The following CNTNAP2 variants were observed in gnomAD, a reference collection of about 807,000 sequenced individuals.
CNTNAP2 encodes the protein contactin associated protein 2, also known as contactin-associated protein-like 2.
CNTNAP2 carries 98 observed loss-of-function variants against 155.2 expected under a neutral mutation model. That is an observed-to-expected ratio of 0.63 (90% CI 0.54 to 0.75). CNTNAP2 has a LOEUF of 0.75. Ranked by LOEUF, CNTNAP2 falls within the 30% of genes least tolerant of loss-of-function variation. The probability of loss-of-function intolerance (pLI) is 0.00; values close to 1 mark genes in which losing one functional copy is unlikely to be tolerated. For synonymous variants in CNTNAP2, 651 were observed against 631.2 expected (o/e 1.03, Z -0.47); for missense variants, 1,727 against 1,688.1 (o/e 1.02, Z -0.40).
At chr7:146,509,803 A>G (rs923792679) in intron 1 of CNTNAP2, among the ~76,000 whole-genome samples, 1 of 152,066 alleles carries the variant, frequency 6.6e-6, no homozygotes, top group African/African-American at 2.4e-5. Context: ...ACAGTCAAAA[A>G]TGCCCATCCA....
At chr7:148,138,688 T>C (rs1805004260) in intron 16 of CNTNAP2, among the ~76,000 whole-genome samples, 1 of 152,096 alleles carries the variant, frequency 6.6e-6, no homozygotes, top group East Asian at 1.9e-4. Context: ...ATTACAACAC[T>C]CTATCCCCAG....
At chr7:146,784,117 A>G (rs577111468) in intron 2 of CNTNAP2, among the ~76,000 whole-genome samples, 1 of 152,246 alleles carries the variant, frequency 6.6e-6, no homozygotes, top group South Asian at 2.1e-4. Flanking sequence ...AAGATAAAAG[A>G]GTTTTTCAAT....
At chr7:147,313,265 A>T (rs1795159188) in intron 9 of CNTNAP2, among the ~76,000 whole-genome samples, 1 of 151,962 alleles carries the variant, frequency 6.6e-6, no homozygotes. Flanking sequence ...TCTTTAGTTT[A>T]ATTAGATCCC....
At chr7:146,643,369 T>C (rs1216754965) in intron 1 of CNTNAP2, among the ~76,000 whole-genome samples, 4 of 152,248 alleles carry the variant, frequency 2.6e-5, no homozygotes, top group East Asian at 3.9e-4. Context: ...GTTTCAGCTT[T>C]CTACATATGG....
At chr7:147,790,278 C>T (rs553473866) in intron 13 of CNTNAP2, among the ~76,000 whole-genome samples, 2 of 152,234 alleles carry the variant, frequency 1.3e-5, no homozygotes, top group African/African-American at 2.4e-5. Context: ...TATCACTATC[C>T]GAAAGTATTG....
At chr7:147,702,262 T>C (rs1796246763) in intron 13 of CNTNAP2, among the ~76,000 whole-genome samples, 1 of 152,034 alleles carries the variant, frequency 6.6e-6, no homozygotes, top group Non-Finnish European at 1.5e-5. Flanking sequence ...GCAGCAATTG[T>C]ATCAATGGCA....
chr7:148,355,522 T>A (rs1206035274), intron 21 of CNTNAP2, among the ~76,000 whole-genome samples: 1 of 152,214 alleles, frequency 6.6e-6, no homozygotes, highest in African/African-American at 2.4e-5. Context: ...ACATCACCTT[T>A]ACTGGGAAAG....
chr7:146,531,931 A>C (rs1016924161), intron 1 of CNTNAP2, among the ~76,000 whole-genome samples: 3 of 152,100 alleles, frequency 2.0e-5, no homozygotes, highest in Non-Finnish European at 4.4e-5. Flanking sequence ...TTAGTTACTG[A>C]AGTGAAAAAT....
intron 8 of CNTNAP2, among the ~76,000 whole-genome samples, chr7:147,250,794 G>T (rs1804180211): frequency 6.6e-6 from 1 of 151,986 alleles, no homozygotes. Context: ...CCTCACCCTG[G>T]ACTTACAAAA....
At chr7:147,264,346 C>T (rs187864665) in intron 8 of CNTNAP2, among the ~76,000 whole-genome samples, 1 of 152,124 alleles carries the variant, frequency 6.6e-6, no homozygotes, top group Admixed American at 6.5e-5. Flanking sequence ...TTTTAAACAT[C>T]TTTCAAAATG....
At chr7:147,012,249 T>C (rs1462060044) in intron 3 of CNTNAP2, among the ~76,000 whole-genome samples, 2 of 152,096 alleles carry the variant, frequency 1.3e-5, no homozygotes, top group Non-Finnish European at 2.9e-5. Flanking sequence ...TAGATAGTAG[T>C]AATAGATGTA....
chr7:147,020,624 T>A (rs1178404422), intron 3 of CNTNAP2, among the ~76,000 whole-genome samples: 1 of 152,174 alleles, frequency 6.6e-6, no homozygotes, highest in Non-Finnish European at 1.5e-5. Context: ...AAGGCCCAGT[T>A]TGATAGGAAA....
At chr7:147,160,273 A>T (rs113580042) in intron 8 of CNTNAP2, among the ~76,000 whole-genome samples, 8,777 of 152,154 alleles carry the variant, frequency 0.058, 415 homozygotes, top group African/African-American at 0.12. Context: ...CAATTATTAT[A>T]TCCAGGCCAT....
At chr7:147,878,849 T>G (rs1799470648) in intron 13 of CNTNAP2, among the ~76,000 whole-genome samples, 1 of 152,182 alleles carries the variant, frequency 6.6e-6, no homozygotes, top group Admixed American at 6.5e-5. Flanking sequence ...GGGCTCAGTT[T>G]CAATGTTTTA....
chr7:147,094,823 G>T (rs971063465), intron 4 of CNTNAP2, among the ~76,000 whole-genome samples: 7 of 151,866 alleles, frequency 4.6e-5, no homozygotes, highest in Admixed American at 3.3e-4. Flanking sequence ...AGTCTGTTTG[G>T]CCTGCTATAA....
intron 1 of CNTNAP2, among the ~76,000 whole-genome samples, chr7:146,657,077 G>T (rs1462302764): frequency 1.3e-5 from 2 of 152,024 alleles, no homozygotes; most frequent in African/African-American, 4.8e-5. Context: ...TCTCTCTGTA[G>T]CTCTCTCTGT....
At chr7:147,031,696 T>A (rs777037264) in intron 3 of CNTNAP2, among the ~76,000 whole-genome samples, 10 of 152,198 alleles carry the variant, frequency 6.6e-5, no homozygotes, top group Admixed American at 1.3e-4. Context: ...GCTGGGCAGA[T>A]CACTTGAGGT....
chr7:147,025,464 A>AGGAGGG (rs1330042513), intron 3 of CNTNAP2, among the ~76,000 whole-genome samples: 2 of 5,900 alleles, frequency 3.4e-4, no homozygotes, highest in African/African-American at 8.1e-4. Flanking sequence ...GGGGGAGGGG[A>AGGAGGG]GGAGGGGGAG....
At chr7:146,938,280 C>G (rs1563011690) in intron 3 of CNTNAP2, among the ~76,000 whole-genome samples, 1 of 151,822 alleles carries the variant, frequency 6.6e-6, no homozygotes, top group Non-Finnish European at 1.5e-5. Context: ...TTAAGAGCGT[C>G]CTAAAATTAC....
Sources: allele counts gnomAD v4.1 joint callset (sites outside exome capture counted in the v4.1 genomes callset), GRCh38; gene constraint gnomAD v4.1.1; transcripts MANE v1.5; gene names NCBI Gene and HGNC (gene_info 2026-07-23, HGNC 2026-07-21).